The following ADAMTS6 variants were observed in gnomAD, a reference collection of about 807,000 sequenced individuals.
ADAMTS6 encodes A disintegrin and metalloproteinase with thrombospondin motifs 6.
In ADAMTS6, 23 loss-of-function variants were observed where a neutral mutation model predicts 144.3. That is an observed-to-expected ratio of 0.16 (90% CI 0.11 to 0.23). The LOEUF (loss-of-function observed/expected upper bound fraction) is 0.23. Ranked by LOEUF, ADAMTS6 falls within the 10% of genes least tolerant of loss-of-function variation. The pLI is 1.00. For synonymous variants in ADAMTS6, 444 were observed against 457.5 expected, an observed-to-expected ratio of 0.97 and a Z score of 0.38; for missense variants, 999 against 1,379.6, an observed-to-expected ratio of 0.72 and a Z score of 4.37.
intron 7 of ADAMTS6, among the ~76,000 whole-genome samples, chr5:65,381,238 G>A (rs1316226940): frequency 6.6e-6 from 1 of 152,030 alleles, no homozygotes; most frequent in Non-Finnish European, 1.5e-5. Flanking sequence ...AAATGGTCAA[G>A]TACAGAAAAA....
At chr5:65,360,464 C>G (rs1357293921) in intron 7 of ADAMTS6, among the ~76,000 whole-genome samples, 3 of 151,964 alleles carry the variant, frequency 2.0e-5, no homozygotes, top group African/African-American at 7.3e-5. Flanking sequence ...TTGATGTAAT[C>G]CTGTCACAAT....
chr5:65,419,870 C>CT (rs1046645564), intron 7 of ADAMTS6, among the ~76,000 whole-genome samples: 5 of 152,094 alleles, frequency 3.3e-5, no homozygotes, highest in Admixed American at 2.0e-4. Context: ...CACAAGGTTT[C>CT]TTTTTGGGGT....
intron 21 of ADAMTS6, among the ~76,000 whole-genome samples, chr5:65,193,339 TAA>T (rs983078330): frequency 4.0e-5 from 6 of 151,884 alleles, no homozygotes; most frequent in African/African-American, 9.7e-5. Flanking sequence ...CTTAATACAT[TAA>T]GAGTTCATTC....
intron 7 of ADAMTS6, among the ~76,000 whole-genome samples, chr5:65,406,619 G>C (rs1457090483): frequency 6.6e-6 from 1 of 152,062 alleles, no homozygotes; most frequent in Non-Finnish European, 1.5e-5. Context: ...TTTTTTTGTT[G>C]TGTATTTGCC....
At position 65,215,319 on chromosome 5, in the gene ADAMTS6, T is replaced by C. The variant is rs751605098; in HGVS notation, c.2436+5A>G. 1 of 1,612,772 alleles carries C rather than the reference T, an allele frequency of 6.2e-7. No homozygotes were observed. Among genetic ancestry groups the C allele is most frequent in the South Asian group, 1.1e-5 (1 of 90,784 alleles). On this transcript the variant is annotated splice_donor_5th_base_variant and intron_variant, in intron 19 of 24. Coordinates refer to ENST00000381055, the MANE Select transcript of ADAMTS6 (RefSeq NM_197941.4). ...GAAGAAATACAATGGCAAAGACGCA[T>C]TTACCATGACGATGAGATTTTCTGA...
intron 24 of ADAMTS6, among the ~76,000 whole-genome samples, chr5:65,169,889 G>C (rs1167151830): frequency 1.6e-5 from 2 of 122,174 alleles, no homozygotes; most frequent in Admixed American, 1.7e-4. Flanking sequence ...ACTGTGGTGG[G>C]GAGGGGGGAG....
At position 65,224,389 on chromosome 5, in the gene ADAMTS6, C is replaced by T. The variant is rs769129778; in HGVS notation, c.2203G>A (p.Val735Met). Residue 735 changes from valine (V) to methionine (M), a missense_variant, in exon 18 of 25, where the codon GTG becomes ATG. Val to Met is a conservative substitution (Grantham distance 21, BLOSUM62 1). Transcript: ENST00000381055. Reference sequence around the variant, plus strand: ...ACAGAGCCTCTTGGTATCTGCACCACTTCCATGTAGCCTGGAACACAGAAG... The same window carrying T: ...ACAGAGCCTCTTGGTATCTGCACCATTTCCATGTAGCCTGGAACACAGAAG... The part of the protein sequence containing the change: ...DSLPRGGYME[V>M]VQIPRGSVHI... 7.4e-6 allele frequency: 12 copies of T among 1,614,106 alleles called. No individual in the cohort carries two copies. The highest frequency in any genetic ancestry group is 9.3e-6 in the Non-Finnish European group (11 of 1,179,976).
Position 65,453,272 on chromosome 5 carries a change from A to C in ADAMTS6, c.632-354T>G, listed in dbSNP as rs917008380. Reference sequence around the variant, plus strand: ...AGCCATTTAAAGTTATTTAAAAAGCATCTAGAGTATGAACTTTTCAATCAG... The same window carrying C: ...AGCCATTTAAAGTTATTTAAAAAGCCTCTAGAGTATGAACTTTTCAATCAG... On this transcript the variant is annotated intron_variant, in intron 4 of 24. Transcript: ENST00000381055. Among the ~76,000 whole-genome samples the C allele has an allele frequency of 2.0e-5, 3 of 152,222 alleles. No individual in the cohort carries two copies. In the South Asian group the frequency reaches 6.2e-4, roughly 32 times the overall value.
At chr5:65,191,860 A>G (rs987040955) in intron 21 of ADAMTS6, among the ~76,000 whole-genome samples, 5 of 152,156 alleles carry the variant, frequency 3.3e-5, no homozygotes, top group African/African-American at 1.2e-4. Context: ...GTGTCAATGA[A>G]GCAAGCAAAA....
intron 7 of ADAMTS6, among the ~76,000 whole-genome samples, chr5:65,379,023 A>T (rs1751805443): frequency 6.6e-6 from 1 of 152,190 alleles, no homozygotes; most frequent in African/African-American, 2.4e-5. Context: ...ACATTTTTTC[A>T]TAATTATAAG....
At chr5:65,190,595 G>A (rs569974039) in intron 21 of ADAMTS6, among the ~76,000 whole-genome samples, 9 of 152,254 alleles carry the variant, frequency 5.9e-5, no homozygotes, top group African/African-American at 1.7e-4. Context: ...CAGGTGTCCC[G>A]AGTAACCACA....
chr5:65,428,090 G>A (rs1756701356), intron 7 of ADAMTS6, among the ~76,000 whole-genome samples: 1 of 151,898 alleles, frequency 6.6e-6, no homozygotes, highest in South Asian at 2.1e-4. Flanking sequence ...GCCAGATGTG[G>A]TGGTGTGTGC....
chr5:65,249,673 C>A (rs79303598), intron 14 of ADAMTS6, among the ~76,000 whole-genome samples: 2,520 of 152,218 alleles, frequency 0.017, 29 homozygotes, highest in Middle Eastern at 0.044. Flanking sequence ...TGCTGCAGAC[C>A]CATAGGAATT....
At chr5:65,332,312 T>TAG (rs10673039) in intron 8 of ADAMTS6, among the ~76,000 whole-genome samples, 9,452 of 101,656 alleles carry the variant, frequency 0.093, 489 homozygotes, top group East Asian at 0.14. Context: ...TATATATATA[T>TAG]AGAGAGAGAG....
chr5:65,156,890 G>A (rs1420688268), intron 24 of ADAMTS6, among the ~76,000 whole-genome samples: 2 of 152,146 alleles, frequency 1.3e-5, no homozygotes, highest in African/African-American at 4.8e-5. Context: ...AAAGGTAAGA[G>A]GTCCTTATCT....
Position 65,241,800 on chromosome 5 carries a change from G to A in ADAMTS6, c.1933+304C>T, listed in dbSNP as rs554936591. Among the ~76,000 whole-genome samples, 196 of 152,186 alleles carry A rather than the reference G, an allele frequency of 1.3e-3. 2 individuals carry two copies. Among genetic ancestry groups the A allele is most frequent in the Non-Finnish European group, 2.5e-3 (168 of 67,988 alleles). The stretch of plus-strand genomic sequence containing the variant: ...ATATACCCTAAGGAAGCCTCAAGCA[G>A]AACTCAAAAAATACTACATGGTTTT... On this transcript the variant is annotated intron_variant, in intron 15 of 24. Transcript: ENST00000381055.
intron 7 of ADAMTS6, among the ~76,000 whole-genome samples, chr5:65,379,152 C>T (rs190519033): frequency 6.4e-4 from 98 of 152,244 alleles, no homozygotes; most frequent in African/African-American, 2.1e-3. Context: ...TTGTTTTAGT[C>T]GTCATTTACA....
chr5:65,375,528 C>T (rs1399863341), intron 7 of ADAMTS6, among the ~76,000 whole-genome samples: 1 of 152,048 alleles, frequency 6.6e-6, no homozygotes, highest in Non-Finnish European at 1.5e-5. Flanking sequence ...CATCACTGGC[C>T]ATCAGAGAAA....
chr5:65,477,296 T>C (rs1580800941), intron 1 of ADAMTS6, among the ~76,000 whole-genome samples: 1 of 152,230 alleles, frequency 6.6e-6, no homozygotes, highest in South Asian at 2.1e-4. Flanking sequence ...ATAATCTTCC[T>C]TTAAAAAACA....
Sources: allele counts gnomAD v4.1 joint callset (sites outside exome capture counted in the v4.1 genomes callset), GRCh38; gene constraint gnomAD v4.1.1; transcripts MANE v1.5; gene names NCBI Gene and HGNC (gene_info 2026-07-23, HGNC 2026-07-21).